EPHA3: variants seen among roughly 807,000 people sequenced by gnomAD.
The protein encoded by EPHA3 is EPH receptor A3.
Under a neutral mutation model 107.1 loss-of-function variants are expected in EPHA3, and 42 were observed. The ratio of observed to expected loss-of-function variants is 0.39; its 90% CI spans 0.31 to 0.51. The LOEUF is 0.51. Among genes scored for constraint, EPHA3 ranks in the 20% least tolerant of loss-of-function variants. EPHA3 has a pLI of 0.78. For missense variants in EPHA3, 1,183 were observed against 1,211.2 expected (o/e 0.98, Z 0.35); for synonymous variants, 461 against 424.8 (o/e 1.09, Z -1.05).
At chr3:89,357,405 G>A (rs188044025) in intron 5 of EPHA3, among the ~76,000 whole-genome samples, 1 of 151,072 alleles carries the variant, frequency 6.6e-6, no homozygotes, top group African/African-American at 2.4e-5. Flanking sequence ...AGATGAGAAT[G>A]TCAGATGACC....
chr3:89,150,311 C>A (rs1441317424), intron 2 of EPHA3, among the ~76,000 whole-genome samples: 2 of 151,928 alleles, frequency 1.3e-5, no homozygotes, highest in Non-Finnish European at 2.9e-5. Flanking sequence ...GAAGTAAAGT[C>A]AACATGGTCT....
intron 3 of EPHA3, among the ~76,000 whole-genome samples, chr3:89,307,495 ATT>A (rs1313210369): frequency 6.6e-6 from 1 of 152,174 alleles, no homozygotes; most frequent in Non-Finnish European, 1.5e-5. Context: ...ACATACAAAT[ATT>A]GTCTAAATGG....
At position 89,261,036 on chromosome 3, in the gene EPHA3, T is replaced by C. The variant is rs927464997; in HGVS notation, c.814+50516T>C. On this transcript the variant is annotated intron_variant, in intron 3 of 16. Coordinates refer to ENST00000336596, the MANE Select transcript of EPHA3 (RefSeq NM_005233.6). ...CAACAAAGGTTCCTGACATGCTGGC[T>C]GAGCTTGCTCTTCTTACAATGCCAT... 3.9e-5 allele frequency among the ~76,000 whole-genome samples: 6 copies of C among 152,348 alleles called. No homozygotes were observed. The East Asian group carries it at 1.2e-3, about 29-fold the overall frequency.
chr3:89,193,451 G>A (rs1434935237), intron 2 of EPHA3, among the ~76,000 whole-genome samples: 2 of 152,024 alleles, frequency 1.3e-5, no homozygotes, highest in Non-Finnish European at 2.9e-5. Context: ...TCATTTTGAT[G>A]TAGAAAGGAT....
intron 15 of EPHA3, among the ~76,000 whole-genome samples, chr3:89,466,784 C>T (rs1228551018): frequency 2.2e-5 from 3 of 138,126 alleles, no homozygotes; most frequent in African/African-American, 2.7e-5. Flanking sequence ...CAGAAATCAC[C>T]GTCTTATGCG....
At chr3:89,122,011 C>T (rs1707401718) in intron 1 of EPHA3, among the ~76,000 whole-genome samples, 1 of 149,350 alleles carries the variant, frequency 6.7e-6, no homozygotes, top group African/African-American at 2.5e-5. Context: ...TTATGTTTGA[C>T]CGGAGAACTA....
intron 11 of EPHA3, among the ~76,000 whole-genome samples, chr3:89,420,875 T>A (rs1341157617): frequency 6.6e-6 from 1 of 151,508 alleles, no homozygotes; most frequent in African/African-American, 2.4e-5. Context: ...TTATGAAGTA[T>A]CTGTTATGTG....
rs2107417241 is a variant in EPHA3 at position 89,340,963 on chromosome 3, G to A, written c.862G>A (p.Ala288Thr). 6.2e-7 allele frequency: 1 copy of A among 1,614,120 alleles called. No homozygotes were observed. Among genetic ancestry groups the A allele is most frequent in the Non-Finnish European group, 8.5e-7 (1 of 1,180,006 alleles). The change falls in exon 4 of 17, where the codon GCT (alanine) becomes ACT (threonine). Residue 288 changes from alanine to threonine, a missense_variant. Coordinates refer to ENST00000336596, the MANE Select transcript of EPHA3 (RefSeq NM_005233.6). ...GGCATTGGATGGTAATATGAAGTGT[G>A]CTAAGTGCCCGCCTCACAGTTCTAC... ...YKALDGNMKC[A>T]KCPPHSSTQE... is the part of the protein sequence containing the mutation.
chr3:89,230,295 C>A (rs896602729), intron 3 of EPHA3, among the ~76,000 whole-genome samples: 6 of 151,880 alleles, frequency 4.0e-5, no homozygotes, highest in African/African-American at 1.5e-4. Context: ...GGAGTTTTTG[C>A]CTAGGTGTAT....
chr3:89,364,098 T>C (rs1429939575), intron 5 of EPHA3, among the ~76,000 whole-genome samples: 1 of 150,784 alleles, frequency 6.6e-6, no homozygotes, highest in African/African-American at 2.4e-5. Flanking sequence ...CTTCTGTGCA[T>C]AGAATTTCAG....
At chr3:89,216,517 A>G (rs1704226064) in intron 3 of EPHA3, among the ~76,000 whole-genome samples, 1 of 152,052 alleles carries the variant, frequency 6.6e-6, no homozygotes, top group Non-Finnish European at 1.5e-5. Context: ...TAGCTCGTGA[A>G]TCTGCCATCA....
At chr3:89,369,013 A>C (rs182097844) in intron 5 of EPHA3, among the ~76,000 whole-genome samples, 2 of 150,606 alleles carry the variant, frequency 1.3e-5, no homozygotes, top group African/African-American at 4.8e-5. Flanking sequence ...TTTGAACTCA[A>C]GTAATCTGAC....
intron 5 of EPHA3, among the ~76,000 whole-genome samples, chr3:89,367,582 A>G (rs1373984977): frequency 6.6e-6 from 1 of 150,736 alleles, no homozygotes; most frequent in African/African-American, 2.4e-5. Flanking sequence ...GAAAAAAACA[A>G]AAACAAAAAA....
At chr3:89,242,223 T>C (rs1169961012) in intron 3 of EPHA3, among the ~76,000 whole-genome samples, 1 of 152,220 alleles carries the variant, frequency 6.6e-6, no homozygotes, top group Non-Finnish European at 1.5e-5. Flanking sequence ...ACTGTAATTC[T>C]ACAGAGACAA....
In EPHA3 at chr3:89,229,018, C is replaced by T. The variant is rs535605079; in HGVS notation, c.814+18498C>T. ...AGCTCTTAAGCTAGTTCTCCTTCCTCACTTCCCTTTTCACTATTTCTCTTT... is the reference window on the plus strand; with the variant it reads ...AGCTCTTAAGCTAGTTCTCCTTCCTTACTTCCCTTTTCACTATTTCTCTTT... On this transcript the variant is annotated intron_variant, in intron 3 of 16. Transcript: ENST00000336596. 1.8e-3 allele frequency among the ~76,000 whole-genome samples: 274 copies of T among 152,060 alleles called. 1 individual carries two copies. Among genetic ancestry groups the T allele is most frequent in the African/African-American group, 5.8e-3 (241 of 41,544 alleles).
chr3:89,408,387 G>A (rs796244649), intron 9 of EPHA3, among the ~76,000 whole-genome samples: 10 of 152,230 alleles, frequency 6.6e-5, no homozygotes, highest in African/African-American at 2.4e-4. Context: ...TAACGCACAT[G>A]CTAGGTAGTA....
At chr3:89,395,589 C>T (rs111453585) in intron 5 of EPHA3, among the ~76,000 whole-genome samples, 1,721 of 152,226 alleles carry the variant, frequency 0.011, 38 homozygotes, top group African/African-American at 0.039. Context: ...CCACCAGCAG[C>T]AGAGAATCTC....
intron 2 of EPHA3, among the ~76,000 whole-genome samples, chr3:89,183,977 T>A (rs1292798917): frequency 2.0e-5 from 3 of 152,034 alleles, no homozygotes; most frequent in Non-Finnish European, 4.4e-5. Context: ...ACTATAAAAA[T>A]TTTTAAGATA....
At chr3:89,323,993 G>A (rs551854255) in intron 3 of EPHA3, among the ~76,000 whole-genome samples, 53 of 151,642 alleles carry the variant, frequency 3.5e-4, no homozygotes, top group African/African-American at 1.2e-3. Context: ...AATACCACAC[G>A]ATTTACTACA....
Sources: gnomAD v4.1 joint callset for allele counts (sites outside exome capture counted in the v4.1 genomes callset) on GRCh38, gnomAD v4.1.1 for gene constraint, MANE v1.5 for transcripts, NCBI Gene and HGNC (gene_info 2026-07-23, HGNC 2026-07-21) for gene names.